RTN1: variants seen among roughly 807,000 people sequenced by gnomAD.
RTN1 encodes the protein reticulon 1, also known as reticulon-1.
In RTN1, 25 loss-of-function variants were observed where a neutral mutation model predicts 65.5. The ratio of observed to expected loss-of-function variants is 0.38; its 90% CI spans 0.28 to 0.53. The LOEUF is 0.53. Ranked by LOEUF, RTN1 falls within the 20% of genes least tolerant of loss-of-function variation. The pLI, the probability that RTN1 is intolerant of heterozygous loss-of-function variation, is 0.79. For synonymous variants in RTN1, 471 were observed against 447.6 expected (o/e 1.05, Z -0.66); for missense variants, 983 against 1,025.4 (o/e 0.96, Z 0.57).
chr14:59,764,588 C>T (rs1475109472), intron 1 of RTN1, among the ~76,000 whole-genome samples: 2 of 152,124 alleles, frequency 1.3e-5, no homozygotes, highest in Admixed American at 6.5e-5. Flanking sequence ...TCCCAAAGTG[C>T]TGGGATTACA....
At chr14:59,855,179 C>T (rs1167603814) in intron 1 of RTN1, among the ~76,000 whole-genome samples, 1 of 152,142 alleles carries the variant, frequency 6.6e-6, no homozygotes, top group Non-Finnish European at 1.5e-5. Context: ...GGGAACATGT[C>T]GTCTAAACAT....
chr14:59,602,725 A>G (rs930395498), intron 8 of RTN1, among the ~76,000 whole-genome samples: 4 of 152,174 alleles, frequency 2.6e-5, no homozygotes, highest in African/African-American at 9.6e-5. Context: ...TATTTGAATT[A>G]AACTGTTAAT....
chr14:59,628,285 G>A (rs750654717), intron 3 of RTN1, among the ~76,000 whole-genome samples: 3 of 152,134 alleles, frequency 2.0e-5, no homozygotes, highest in Non-Finnish European at 4.4e-5. Flanking sequence ...CTCAAAAGGT[G>A]GGGCCCAGGC....
At chr14:59,786,148 G>T (rs909710869) in intron 1 of RTN1, among the ~76,000 whole-genome samples, 2 of 152,176 alleles carry the variant, frequency 1.3e-5, no homozygotes, top group African/African-American at 4.8e-5. Flanking sequence ...TAGAAGGAGG[G>T]ACAAGCACCT....
intron 3 of RTN1, among the ~76,000 whole-genome samples, chr14:59,700,879 A>G (rs569086269): frequency 2.1e-4 from 32 of 152,170 alleles, no homozygotes; most frequent in Non-Finnish European, 4.4e-4. Flanking sequence ...ACTTCATAAA[A>G]ATTAAAAACT....
chr14:59,609,219 A>G (rs1260268608), intron 3 of RTN1, among the ~76,000 whole-genome samples: 2 of 151,678 alleles, frequency 1.3e-5, no homozygotes, highest in Non-Finnish European at 2.9e-5. Flanking sequence ...CAGGAGGCAG[A>G]GGTTGTAGTG....
chr14:59,611,924 C>G (rs960511112), intron 3 of RTN1, among the ~76,000 whole-genome samples: 2 of 152,168 alleles, frequency 1.3e-5, no homozygotes, highest in Non-Finnish European at 2.9e-5. Context: ...CCATCCTTAT[C>G]TGGTCACATT....
intron 3 of RTN1, among the ~76,000 whole-genome samples, chr14:59,668,607 T>C (rs1043171193): frequency 1.3e-5 from 2 of 152,000 alleles, no homozygotes; most frequent in Admixed American, 1.3e-4. Context: ...ACAAATGGGA[T>C]CTAATTAAAC....
At chr14:59,792,185 T>C (rs1457029536) in intron 1 of RTN1, among the ~76,000 whole-genome samples, 1 of 152,116 alleles carries the variant, frequency 6.6e-6, no homozygotes, top group East Asian at 1.9e-4. Context: ...TTTGAGCATG[T>C]CATTGGGTTT....
intron 3 of RTN1, among the ~76,000 whole-genome samples, chr14:59,707,762 C>G (rs1594690804): frequency 6.6e-6 from 1 of 151,908 alleles, no homozygotes; most frequent in East Asian, 1.9e-4. Flanking sequence ...CACACAAACA[C>G]ACACATGCAC....
intron 1 of RTN1, among the ~76,000 whole-genome samples, chr14:59,847,808 G>C (rs989219675): frequency 7.2e-5 from 11 of 152,118 alleles, no homozygotes; most frequent in African/African-American, 2.7e-4. Flanking sequence ...ATGCTTTTTG[G>C]AATAGCTCTA....
intron 1 of RTN1, among the ~76,000 whole-genome samples, chr14:59,781,436 TG>T (rs1187719495): frequency 6.6e-6 from 1 of 152,018 alleles, no homozygotes; most frequent in Non-Finnish European, 1.5e-5. Context: ...CAACAACAAT[TG>T]GAACAGAACA....
At chr14:59,748,604 A>T (rs761526426) in intron 1 of RTN1, among the ~76,000 whole-genome samples, 4 of 151,816 alleles carry the variant, frequency 2.6e-5, no homozygotes, top group Non-Finnish European at 5.9e-5. Context: ...CTTCTTAAAT[A>T]CTGTATAGTT....
intron 1 of RTN1, among the ~76,000 whole-genome samples, chr14:59,815,935 T>C (rs757646660): frequency 1.3e-5 from 2 of 152,204 alleles, no homozygotes; most frequent in Non-Finnish European, 2.9e-5. Context: ...CCACCCTTCA[T>C]GCCTTTGCTC....
rs757910309 is a variant in RTN1 at position 59,849,958 on chromosome 14, T to G, written c.241+20432A>C. Among the ~76,000 whole-genome samples, 1 of 152,150 alleles carries G rather than the reference T, an allele frequency of 6.6e-6. No individual in the cohort carries two copies. Among genetic ancestry groups the G allele is most frequent in the Non-Finnish European group, 1.5e-5 (1 of 68,014 alleles). On this transcript the variant is annotated intron_variant, in intron 1 of 8. Coordinates refer to ENST00000267484, the MANE Select transcript of RTN1 (RefSeq NM_021136.3). The surrounding 1 kb of genome is among the most constrained non-coding windows in gnomAD (Gnocchi z 4.5). The stretch of plus-strand genomic sequence containing the variant: ...GTTTTCTGAATTCCTCCACTTCCTC[T>G]TCCTTTTTGTCTATTTGTGTCCATT...
chr14:59,664,237 T>A (rs79893873), intron 3 of RTN1, among the ~76,000 whole-genome samples: 24 of 152,212 alleles, frequency 1.6e-4, no homozygotes, highest in African/African-American at 5.3e-4. Context: ...AAACACTGCA[T>A]GTTCTCACTC....
At chr14:59,869,944 G>T (rs893823834) in intron 1 of RTN1, among the ~76,000 whole-genome samples, 17 of 152,048 alleles carry the variant, frequency 1.1e-4, no homozygotes, top group Non-Finnish European at 1.8e-4. Context: ...CAGGGGCCGC[G>T]GGCCTGCCCG....
chr14:59,682,104 T>C (rs569894175), intron 3 of RTN1, among the ~76,000 whole-genome samples: 40 of 152,308 alleles, frequency 2.6e-4, no homozygotes, highest in African/African-American at 8.2e-4. Flanking sequence ...CCCATCTTCA[T>C]CTCCCATGGC....
intron 3 of RTN1, among the ~76,000 whole-genome samples, chr14:59,625,177 T>C (rs531064472): frequency 3.3e-5 from 5 of 152,288 alleles, no homozygotes; most frequent in Admixed American, 6.5e-5. Flanking sequence ...ACAATCCCTA[T>C]TGATATATAG....
Sources: allele counts gnomAD v4.1 joint callset (sites outside exome capture counted in the v4.1 genomes callset), GRCh38; gene constraint gnomAD v4.1.1; non-coding constraint Gnocchi (gnomAD v3.1); transcripts MANE v1.5; gene names NCBI Gene and HGNC (gene_info 2026-07-23, HGNC 2026-07-21).